Variants in PIBF1 observed in about 807,000 individuals in gnomAD.
PIBF1 encodes progesterone-induced-blocking factor 1.
Under a neutral mutation model 112.5 loss-of-function variants are expected in PIBF1, and 90 were observed. The observed-to-expected ratio is 0.80, with a 90% confidence interval of 0.67 to 0.95. The LOEUF is 0.95. PIBF1 is among the 40% of genes least tolerant of loss of function. The pLI, the probability that PIBF1 is intolerant of heterozygous loss-of-function variation, is 0.00. For synonymous variants in PIBF1, 301 were observed against 288.6 expected, an observed-to-expected ratio of 1.04 and a Z score of -0.44; for missense variants, 915 against 852.3, an observed-to-expected ratio of 1.07 and a Z score of -0.92.
chr13:72,912,833 G>A (rs1009713290), intron 12 of PIBF1, among the ~76,000 whole-genome samples: 2 of 151,598 alleles, frequency 1.3e-5, no homozygotes, highest in East Asian at 1.9e-4. Flanking sequence ...AACATAAAGT[G>A]TACTTTATAT....
intron 11 of PIBF1, among the ~76,000 whole-genome samples, chr13:72,901,765 GT>G (rs1428413153): frequency 6.6e-6 from 1 of 151,916 alleles, no homozygotes; most frequent in African/African-American, 2.4e-5. Flanking sequence ...TGGTGGGAAA[GT>G]AATCTAGTAC....
chr13:72,828,185 G>T (rs1365234550), intron 8 of PIBF1, among the ~76,000 whole-genome samples: 1 of 150,990 alleles, frequency 6.6e-6, no homozygotes, highest in Admixed American at 6.6e-5. Context: ...CTTGAATACA[G>T]TAATGAGCTG....
intron 16 of PIBF1, among the ~76,000 whole-genome samples, chr13:72,990,541 A>C (rs2043444681): frequency 6.9e-6 from 1 of 145,170 alleles, no homozygotes; most frequent in Non-Finnish European, 1.5e-5. Flanking sequence ...AAAAAAAAAA[A>C]AAAAACCTTT....
At chr13:72,897,207 CATAA>C (rs2040314588) in intron 11 of PIBF1, among the ~76,000 whole-genome samples, 1 of 152,098 alleles carries the variant, frequency 6.6e-6, no homozygotes, top group South Asian at 2.1e-4. Flanking sequence ...AACTAAGCAT[CATAA>C]ATAAAGGAAA....
chr13:72,858,126 G>A (rs914993974), intron 10 of PIBF1, among the ~76,000 whole-genome samples: 11 of 149,706 alleles, frequency 7.3e-5, no homozygotes, highest in East Asian at 4.1e-4. Context: ...ATCTCTGCTC[G>A]CTGCAGCCTC....
rs2036458135 is a variant in PIBF1, at chr13:72,819,776, C to CT, written c.673-2070dup. 2.0e-5 allele frequency among the ~76,000 whole-genome samples: 3 copies of CT among 152,024 alleles called. No homozygotes were observed. In the South Asian group the frequency reaches 6.2e-4, roughly 32 times the overall value. On this transcript the variant is annotated intron_variant, in intron 5 of 17. Coordinates refer to ENST00000326291, the MANE Select transcript of PIBF1 (RefSeq NM_006346.4). ...TACCTTCTGCCCCTACCGCTAAATA[C>CT]TTTAAAGGCTTTTTGTTGGTTCTCG...
Position 72,827,959 on chromosome 13 carries a change from G to C in PIBF1, c.1097+45G>C, listed in dbSNP as rs373181880. 10 of 1,369,436 alleles carry C rather than the reference G, an allele frequency of 7.3e-6. No homozygotes were observed. The African/African-American group carries it at 1.5e-4, about 20-fold the overall frequency. The allele number at this position is 1,369,436 out of a possible 1,614,324, so 84.8% of individuals were successfully genotyped here. On this transcript the variant is annotated intron_variant, in intron 8 of 17. Transcript: ENST00000326291. ...CCACGTAAATAGATACCAATTAACA[G>C]ATTTTCTTTGAGGGAACTCTTGGCT...
intron 13 of PIBF1, among the ~76,000 whole-genome samples, chr13:72,924,412 TA>T (rs35898890): frequency 0.27 from 41,666 of 152,028 alleles, 6,824 homozygotes; most frequent in East Asian, 0.47. Context: ...AAAATGCACT[TA>T]CAACAAGATC....
At chr13:72,920,244 TG>T (rs2041241777) in intron 13 of PIBF1, among the ~76,000 whole-genome samples, 2 of 152,244 alleles carry the variant, frequency 1.3e-5, no homozygotes, top group Admixed American at 1.3e-4. Context: ...ATGTGCCTAA[TG>T]GGCATGCTAT....
intron 4 of PIBF1, among the ~76,000 whole-genome samples, chr13:72,797,039 C>T (rs2035232318): frequency 6.6e-6 from 1 of 151,996 alleles, no homozygotes. Flanking sequence ...TTTTATGGGA[C>T]CTTGTCAGAT....
chr13:72,941,797 C>T (rs2042017149), intron 14 of PIBF1, among the ~76,000 whole-genome samples: 1 of 152,124 alleles, frequency 6.6e-6, no homozygotes, highest in African/African-American at 2.4e-5. Flanking sequence ...TTTCAAAAAA[C>T]AAATTGCAGA....
intron 14 of PIBF1, among the ~76,000 whole-genome samples, chr13:72,959,033 CTG>C (rs1222268342): frequency 6.6e-6 from 1 of 152,120 alleles, no homozygotes; most frequent in African/African-American, 2.4e-5. Flanking sequence ...GAGTCTTCCT[CTG>C]TCACCCGGGC....
chr13:72,858,057 G>GTGTGTGTA lies in PIBF1; in HGVS notation c.1322+3903_1322+3904insGTGTGTAT, dbSNP rs2038518717. On this transcript the variant is annotated intron_variant, in intron 10 of 17. Coordinates refer to ENST00000326291, the MANE Select transcript of PIBF1 (RefSeq NM_006346.4). The stretch of plus-strand genomic sequence containing the variant: ...TGTGTGTGTGTGTGTGTGTGTGTGT[G>GTGTGTGTA]TATGTATTATGTGAGATGGAGTCTC... 6.1e-5 allele frequency among the ~76,000 whole-genome samples: 9 copies of GTGTGTGTA among 148,384 alleles called. No homozygotes were observed. In the South Asian group the frequency reaches 1.9e-3, roughly 32 times the overall value.
At chr13:72,817,791 A>G (rs187360961) in intron 5 of PIBF1, among the ~76,000 whole-genome samples, 3 of 152,278 alleles carry the variant, frequency 2.0e-5, no homozygotes, top group Admixed American at 6.5e-5. Flanking sequence ...AGCTTTAACA[A>G]TGGTTCTACA....
intron 5 of PIBF1, among the ~76,000 whole-genome samples, chr13:72,802,081 A>G (rs1353864704): frequency 1.3e-5 from 2 of 152,192 alleles, no homozygotes; most frequent in Admixed American, 1.3e-4. Context: ...GTACTAATAG[A>G]CTATGTTATA....
intron 10 of PIBF1, among the ~76,000 whole-genome samples, chr13:72,880,111 T>G (rs1437504480): frequency 6.6e-6 from 1 of 152,164 alleles, no homozygotes; most frequent in Admixed American, 6.5e-5. Flanking sequence ...GGGTCACCAT[T>G]TATCAATGCT....
At chr13:72,810,877 G>T (rs1197347132) in intron 5 of PIBF1, among the ~76,000 whole-genome samples, 2 of 145,690 alleles carry the variant, frequency 1.4e-5, no homozygotes, top group African/African-American at 5.1e-5. Flanking sequence ...TTTTTTTTGA[G>T]ACGGAGTCTC....
At chr13:72,926,071 C>A (rs1377127904) in intron 13 of PIBF1, among the ~76,000 whole-genome samples, 1 of 152,008 alleles carries the variant, frequency 6.6e-6, no homozygotes, top group Non-Finnish European at 1.5e-5. Flanking sequence ...GTATTTAGGT[C>A]TTTGATCCAT....
At chr13:72,825,845 C>T (rs980996519) in intron 6 of PIBF1, among the ~76,000 whole-genome samples, 1 of 150,798 alleles carries the variant, frequency 6.6e-6, no homozygotes, top group African/African-American at 2.4e-5. Context: ...GCAGGAGGAT[C>T]ACTTGAGCCC....
Sources: gnomAD v4.1 joint callset for allele counts (sites outside exome capture counted in the v4.1 genomes callset) on GRCh38, gnomAD v4.1.1 for gene constraint, MANE v1.5 for transcripts, NCBI Gene and HGNC (gene_info 2026-07-23, HGNC 2026-07-21) for gene names.